PDS5A: variants seen among roughly 807,000 people sequenced by gnomAD.
PDS5A encodes sister chromatid cohesion protein PDS5 homolog A.
In PDS5A, 42 loss-of-function variants were observed where a neutral mutation model predicts 167.1. That is an observed-to-expected ratio of 0.25 (90% confidence interval 0.20 to 0.33). The LOEUF (loss-of-function observed/expected upper bound fraction) is 0.33, where lower values mean the gene tolerates loss of function less well. PDS5A is among the 10% of genes least tolerant of loss of function. The probability of loss-of-function intolerance (pLI) is 1.00; values close to 1 mark genes in which losing one functional copy is unlikely to be tolerated. For synonymous variants in PDS5A, 553 were observed against 554.6 expected (o/e 1.00, Z 0.04); for missense variants, 1,033 against 1,605.9 (o/e 0.64, Z 6.10).
intron 31 of PDS5A, among the ~76,000 whole-genome samples, chr4:39,840,503 C>G (rs948676685): frequency 6.6e-6 from 1 of 152,174 alleles, no homozygotes; most frequent in East Asian, 1.9e-4. Flanking sequence ...TCAAGCAGTT[C>G]TCCTGCCTCA....
intron 2 of PDS5A, among the ~76,000 whole-genome samples, chr4:39,944,563 G>A (rs149027330): frequency 0.071 from 10,832 of 151,920 alleles, 488 homozygotes; most frequent in Non-Finnish European, 0.1. Context: ...GCTTGGTGGT[G>A]CATGCCTGTA....
chr4:39,929,519 C>CTATATACATATA (rs1725775084), intron 2 of PDS5A, among the ~76,000 whole-genome samples: 1 of 79,398 alleles, frequency 1.3e-5, no homozygotes, highest in Admixed American at 1.5e-4. Context: ...ACTTAATAAA[C>CTATATACATATA]TATATATATA....
chr4:39,915,833 A>G (rs1050849914), intron 8 of PDS5A, among the ~76,000 whole-genome samples: 1 of 152,202 alleles, frequency 6.6e-6, no homozygotes, highest in Non-Finnish European at 1.5e-5. Context: ...ATAGCAAGTA[A>G]CTGTTTTAGT....
At chr4:39,867,451 G>A (rs572597706) in intron 22 of PDS5A, among the ~76,000 whole-genome samples, 1 of 151,688 alleles carries the variant, frequency 6.6e-6, no homozygotes, top group South Asian at 2.1e-4. Flanking sequence ...CCAGCACTTT[G>A]GGAGGCCAAG....
At chr4:39,834,132 G>A (rs305126) in intron 32 of PDS5A, among the ~76,000 whole-genome samples, 47,927 of 150,528 alleles carry the variant, frequency 0.32, 8,347 homozygotes, top group Middle Eastern at 0.45. Flanking sequence ...CTGCAGTGAG[G>A]CAAGACCGCA....
At chr4:39,856,915 T>A (rs1718571185) in intron 26 of PDS5A, among the ~76,000 whole-genome samples, 1 of 152,052 alleles carries the variant, frequency 6.6e-6, no homozygotes, top group Non-Finnish European at 1.5e-5. Flanking sequence ...TATAAAGATG[T>A]GATTCGTGAT....
At chr4:39,882,806 A>G (rs982141834) in intron 17 of PDS5A, among the ~76,000 whole-genome samples, 1 of 152,194 alleles carries the variant, frequency 6.6e-6, no homozygotes, top group Admixed American at 6.5e-5. Context: ...TCTTTTATAA[A>G]TTAAATAAAT....
chr4:39,867,273 T>C (rs1490764637), intron 22 of PDS5A, among the ~76,000 whole-genome samples: 1 of 152,100 alleles, frequency 6.6e-6, no homozygotes, highest in Non-Finnish European at 1.5e-5. Context: ...GATAAGGCAA[T>C]TGAGACACAT....
At chr4:39,946,538 T>C (rs1727787917) in intron 2 of PDS5A, among the ~76,000 whole-genome samples, 1 of 152,050 alleles carries the variant, frequency 6.6e-6, no homozygotes, top group Admixed American at 6.6e-5. Context: ...ACTGACGACT[T>C]TTCAGCTAGA....
rs1195682087 is a variant in PDS5A at position 39,920,339 on chromosome 4, T to C, written c.715A>G (p.Ile239Val). The C allele has an allele frequency of 5.3e-5, 80 of 1,511,660 alleles. No homozygotes were observed. The highest frequency in any genetic ancestry group is 6.9e-5 in the Non-Finnish European group (75 of 1,093,890). 93.6% of individuals were successfully genotyped at this position (1,511,660 alleles called of 1,614,324 possible). A position where few individuals can be genotyped will look rare whatever the true frequency, so the allele number is the denominator to read the frequency against. Residue 239 changes from isoleucine (I) to valine (V), a missense_variant, in exon 7 of 33, where the codon ATT becomes GTT. Ile to Val is a conservative substitution (Grantham distance 29, BLOSUM62 3). Around this residue, in one of 4 missense-constraint regions of PDS5A, gnomAD observed 388 missense variants for 615.1 expected, o/e 0.63. Transcript: ENST00000303538. ...CATACATTAGCAATGCATGCCTCAA[T>C]AGTCTGGACTGTTCTTTTCAATAGC... ...KVLLKRTVQT[I>V]EACIANFFNQ...
chr4:39,964,023 C>CA (rs1245163392), intron 2 of PDS5A, among the ~76,000 whole-genome samples: 3 of 152,110 alleles, frequency 2.0e-5, no homozygotes, highest in Non-Finnish European at 4.4e-5. Flanking sequence ...TCTCCTGCCT[C>CA]AGCCTGAAAT....
At chr4:39,949,819 C>CAGAAAAAAAAAAAA (rs1280209294) in intron 2 of PDS5A, among the ~76,000 whole-genome samples, 2 of 1,248 alleles carry the variant, frequency 1.6e-3, no homozygotes, top group East Asian at 0.024. Context: ...GACTCTGTCT[C>CAGAAAAAAAAAAAA]AGAAAAAAAA....
At chr4:39,896,832 C>A (rs554710992) in intron 16 of PDS5A, among the ~76,000 whole-genome samples, 1 of 150,408 alleles carries the variant, frequency 6.6e-6, no homozygotes, top group South Asian at 2.1e-4. Context: ...CATACAATAG[C>A]CTAGGCCTAC....
rs1037008852 is a variant in PDS5A, at chr4:39,928,241, A to C, written c.139-77T>G. The C allele has an allele frequency of 4.1e-5, 39 of 957,094 alleles. 1 individual carries two copies. Among genetic ancestry groups the C allele is most frequent in the East Asian group, 2.9e-4 (11 of 38,330 alleles). 59.3% of individuals were successfully genotyped at this position (957,094 alleles called of 1,614,324 possible). On this transcript the variant is annotated intron_variant, in intron 2 of 32. Coordinates refer to ENST00000303538, the MANE Select transcript of PDS5A (RefSeq NM_001100399.2). ...CAGTGGAGGATGTGATTTAAAAAAA[A>C]AAAAGTCATCTCCATTAGCAATCGG... is the stretch of plus-strand genomic sequence containing the variant.
At chr4:39,889,090 G>C (rs193228784) in intron 17 of PDS5A, among the ~76,000 whole-genome samples, 1 of 152,290 alleles carries the variant, frequency 6.6e-6, no homozygotes, top group African/African-American at 2.4e-5. Flanking sequence ...GAATGTGACT[G>C]TATTTAGAGA....
intron 31 of PDS5A, among the ~76,000 whole-genome samples, chr4:39,838,918 C>T (rs1395322541): frequency 3.3e-5 from 5 of 151,870 alleles, no homozygotes; most frequent in African/African-American, 1.2e-4. Context: ...ACTCAGGAGG[C>T]TGAGGCAGGA....
intron 16 of PDS5A, among the ~76,000 whole-genome samples, chr4:39,893,366 C>T (rs1377071107): frequency 2.0e-5 from 3 of 152,134 alleles, no homozygotes; most frequent in Admixed American, 6.5e-5. Flanking sequence ...ATAATCTTTG[C>T]TCAAAGTATG....
intron 5 of PDS5A, 98 bp from the exon 6 acceptor site, chr4:39,922,846 A>C: frequency 7.8e-7 from 1 of 1,277,266 alleles, no homozygotes; most frequent in Non-Finnish European, 1.0e-6. Flanking sequence ...TAAAACAACA[A>C]TCTCACATGT....
At chr4:39,911,107 C>G (rs1300950310) in intron 9 of PDS5A, among the ~76,000 whole-genome samples, 2 of 152,148 alleles carry the variant, frequency 1.3e-5, no homozygotes, top group Admixed American at 6.5e-5. Flanking sequence ...GCACTCCAAC[C>G]TGGGTAACAG....
Sources: gnomAD v4.1 joint callset for allele counts (sites outside exome capture counted in the v4.1 genomes callset) on GRCh38, gnomAD v4.1.1 for gene constraint, gnomAD v4.1.1 regional missense constraint, MANE v1.5 for transcripts, NCBI Gene and HGNC (gene_info 2026-07-23, HGNC 2026-07-21) for gene names.